Variants in ANKRD36 observed in about 807,000 individuals in gnomAD.
The protein encoded by ANKRD36 is ankyrin repeat domain-containing protein 36A.
ANKRD36 carries 179 observed loss-of-function variants against 278.1 expected under a neutral mutation model. That is an observed-to-expected ratio of 0.64 (90% CI 0.57 to 0.73). The LOEUF is 0.73. ANKRD36 is among the 30% of genes least tolerant of loss of function. The pLI, the probability that ANKRD36 is intolerant of heterozygous loss-of-function variation, is 0.00. For missense variants in ANKRD36, 1,159 were observed against 1,956.7 expected, an observed-to-expected ratio of 0.59 and a Z score of 7.69; for synonymous variants, 320 against 641.1, an observed-to-expected ratio of 0.50 and a Z score of 7.57.
chr2:97,115,404 A>G lies in ANKRD36; in HGVS notation c.197+1468A>G, dbSNP rs1055515957. 3.9e-5 allele frequency among the ~76,000 whole-genome samples: 6 copies of G among 152,162 alleles called. 1 individual carries two copies. Among genetic ancestry groups the G allele is most frequent in the Admixed American group, 2.0e-4 (3 of 15,254 alleles). ...AAGCACACATTCTGAAGGTCGATTT[A>G]GCAAAATAAAAAAAATCCAGTTTAT... On this transcript the variant is annotated intron_variant, in intron 1 of 75. Transcript: ENST00000420699.
At chr2:97,183,388 C>T in intron 26 of ANKRD36, 71 bp from the exon 27 acceptor site, 1 of 1,469,350 alleles carries the variant, frequency 6.8e-7, no homozygotes, top group Non-Finnish European at 9.2e-7. Flanking sequence ...TTGATGCTAA[C>T]ACTGCATGAA....
chr2:97,202,502 C>G, intron 48 of ANKRD36, 109 bp downstream of exon 48: 1 of 1,475,322 alleles, frequency 6.8e-7, no homozygotes, highest in Non-Finnish European at 9.1e-7. Flanking sequence ...TCTGATTCAG[C>G]AGGCTGGAGA....
intron 6 of ANKRD36, among the ~76,000 whole-genome samples, chr2:97,141,413 G>A (rs1423569508): frequency 1.5e-5 from 2 of 137,504 alleles, no homozygotes; most frequent in African/African-American, 5.4e-5. Flanking sequence ...TGCTGAATCC[G>A]GGAAATGTAG....
chr2:97,199,710 T>C (rs1163587253), intron 44 of ANKRD36, among the ~76,000 whole-genome samples: 1 of 151,910 alleles, frequency 6.6e-6, no homozygotes. Flanking sequence ...AAGGGTAAAC[T>C]AGTGGATACA....
rs2061005633 is a variant in ANKRD36, at chr2:97,200,368, GA to G, written c.2784+9del. The G allele has an allele frequency of 6.2e-7, 1 of 1,605,618 alleles. No individual in the cohort carries two copies. Among genetic ancestry groups the G allele is most frequent in the Non-Finnish European group, 8.5e-7 (1 of 1,178,704 alleles). On this transcript the variant is annotated splice_region_variant and intron_variant, in intron 45 of 75. Coordinates refer to ENST00000420699, the MANE Select transcript of ANKRD36 (RefSeq NM_001354587.1). Reference sequence around the variant, plus strand: ...GGAAAAAACCATCCTTGGAGGTAATGAAACTCTCATTCATATTGTGAGCTAG... The same window carrying G: ...GGAAAAAACCATCCTTGGAGGTAATGAACTCTCATTCATATTGTGAGCTAG...
chr2:97,154,966 T>C (rs1243401190), intron 15 of ANKRD36, among the ~76,000 whole-genome samples: 1 of 144,710 alleles, frequency 6.9e-6, no homozygotes. Flanking sequence ...AGAGGTGTGA[T>C]CTGAAAAAAA....
At chr2:97,217,622 A>G (rs1362169873) in intron 64 of ANKRD36, among the ~76,000 whole-genome samples, 1 of 152,152 alleles carries the variant, frequency 6.6e-6, no homozygotes, top group Middle Eastern at 3.2e-3. Context: ...AGTTCAAGAC[A>G]TAAGAGATAA....
chr2:97,166,343 C>T (rs1393016144), intron 20 of ANKRD36, among the ~76,000 whole-genome samples: 3 of 147,432 alleles, frequency 2.0e-5, no homozygotes, highest in Non-Finnish European at 3.0e-5. Flanking sequence ...GGACATGGGG[C>T]TGCTGTTGTG....
intron 34 of ANKRD36, among the ~76,000 whole-genome samples, chr2:97,190,567 T>C (rs2153564204): frequency 6.6e-6 from 1 of 151,814 alleles, no homozygotes; most frequent in South Asian, 2.1e-4. Context: ...TGAATGTTTG[T>C]AGTACAATGG....
chr2:97,121,362 C>A (rs1189802788), intron 3 of ANKRD36, among the ~76,000 whole-genome samples: 1 of 151,966 alleles, frequency 6.6e-6, no homozygotes, highest in Non-Finnish European at 1.5e-5. Flanking sequence ...AGTAATTGGC[C>A]GAGCGCAGTG....
chr2:97,198,659 G>C lies in ANKRD36; in HGVS notation c.2755+1G>C. The C allele has an allele frequency of 6.5e-7, 1 of 1,541,160 alleles. No homozygotes were observed. Among genetic ancestry groups the C allele is most frequent in the Non-Finnish European group, 8.8e-7 (1 of 1,140,208 alleles). ...AAGGATGGAGAAAAAACTAAGAGAGGTAATTTTGAAAAGAGATTTAATGTC... is the reference window on the plus strand; with the variant it reads ...AAGGATGGAGAAAAAACTAAGAGAGCTAATTTTGAAAAGAGATTTAATGTC... On this transcript the variant is annotated splice_donor_variant, in intron 44 of 75. Coordinates refer to ENST00000420699, the MANE Select transcript of ANKRD36 (RefSeq NM_001354587.1). LOFTEE classifies it high-confidence loss of function.
chr2:97,116,007 C>G (rs1236924054), intron 1 of ANKRD36, among the ~76,000 whole-genome samples: 2 of 151,266 alleles, frequency 1.3e-5, no homozygotes, highest in East Asian at 3.9e-4. Context: ...AAGATGTACT[C>G]TGAAAAAAAG....
chr2:97,221,123 C>T (rs1221810269), intron 66 of ANKRD36, among the ~76,000 whole-genome samples: 22 of 136,748 alleles, frequency 1.6e-4, no homozygotes, highest in Admixed American at 1.5e-3. Flanking sequence ...TTTTTTATGG[C>T]TGCATAGTAT....
intron 6 of ANKRD36, among the ~76,000 whole-genome samples, chr2:97,129,190 T>C (rs1474151312): frequency 2.0e-5 from 3 of 152,138 alleles, no homozygotes; most frequent in Admixed American, 6.6e-5. Flanking sequence ...TGGTATCTCA[T>C]TGTGGTTTTG....
At chr2:97,183,739 T>C in intron 28 of ANKRD36, 85 bp downstream of exon 28, 1 of 1,443,790 alleles carries the variant, frequency 6.9e-7, no homozygotes, top group Non-Finnish European at 9.3e-7. Context: ...TGGGGTGTCA[T>C]TGAAAATGCA....
intron 44 of ANKRD36, among the ~76,000 whole-genome samples, chr2:97,199,836 A>T (rs1382953967): frequency 6.6e-6 from 1 of 151,914 alleles, no homozygotes; most frequent in Non-Finnish European, 1.5e-5. Flanking sequence ...CACTGAAGAG[A>T]TGTGAAGTGT....
At chr2:97,144,108 T>C (rs1293742207) in intron 8 of ANKRD36, among the ~76,000 whole-genome samples, 2 of 152,094 alleles carry the variant, frequency 1.3e-5, no homozygotes, top group African/African-American at 4.8e-5. Context: ...ATATTTGTAG[T>C]ATAATGGTAT....
chr2:97,214,970 C>T (rs1249678259), intron 60 of ANKRD36, among the ~76,000 whole-genome samples: 55 of 148,434 alleles, frequency 3.7e-4, no homozygotes, highest in Non-Finnish European at 5.9e-4. Context: ...GACATTGATT[C>T]CCAGGTGATT....
intron 38 of ANKRD36, among the ~76,000 whole-genome samples, chr2:97,193,735 T>C (rs959780377): frequency 1.3e-5 from 2 of 151,686 alleles, no homozygotes; most frequent in African/African-American, 4.8e-5. Flanking sequence ...CAGAGATACA[T>C]GTTTTGTTGA....
Sources: allele counts gnomAD v4.1 joint callset (sites outside exome capture counted in the v4.1 genomes callset), GRCh38; gene constraint gnomAD v4.1.1; transcripts MANE v1.5; gene names NCBI Gene and HGNC (gene_info 2026-07-23, HGNC 2026-07-21).